Variants in NLGN1 observed in about 807,000 individuals in gnomAD.
NLGN1 encodes the protein neuroligin 1.
A neutral mutation model predicts 65.5 loss-of-function variants in NLGN1; 12 were observed. The ratio of observed to expected loss-of-function variants is 0.18; its 90% confidence interval spans 0.12 to 0.30. The LOEUF is 0.30. Ranked by LOEUF, NLGN1 falls within the 10% of genes least tolerant of loss-of-function variation. NLGN1 has a pLI of 1.00. For synonymous variants in NLGN1, 350 were observed against 359.5 expected, an observed-to-expected ratio of 0.97 and a Z score of 0.30; for missense variants, 750 against 1,007.1, an observed-to-expected ratio of 0.74 and a Z score of 3.46.
intron 4 of NLGN1, among the ~76,000 whole-genome samples, chr3:174,122,319 G>C (rs1348590330): frequency 6.6e-6 from 1 of 152,084 alleles, no homozygotes. Context: ...TTGGAAGACT[G>C]GTTTTCTGCA....
chr3:173,466,544 A>T (rs1049318138), intron 2 of NLGN1, among the ~76,000 whole-genome samples: 16 of 152,146 alleles, frequency 1.1e-4, no homozygotes, highest in Non-Finnish European at 1.5e-5. Context: ...TTTGTTTTGT[A>T]TGCTAGGTGT....
At chr3:174,275,588 G>A in intron 5 of NLGN1, 61 bp downstream of exon 5, 1 of 934,496 alleles carries the variant, frequency 1.1e-6, no homozygotes, top group Non-Finnish European at 1.7e-6. Flanking sequence ...ACCATCAGTA[G>A]TATGTGATGC....
At chr3:174,052,414 G>A (rs1015624235) in intron 4 of NLGN1, among the ~76,000 whole-genome samples, 1 of 151,868 alleles carries the variant, frequency 6.6e-6, no homozygotes, top group African/African-American at 2.4e-5. Flanking sequence ...AGCAAGGAAT[G>A]TACTTGAGAA....
intron 2 of NLGN1, among the ~76,000 whole-genome samples, chr3:173,537,831 G>T (rs374905506): frequency 1.3e-5 from 2 of 152,102 alleles, no homozygotes; most frequent in South Asian, 4.1e-4. Context: ...CTATGTTCCA[G>T]ACATCCTCTT....
intron 1 of NLGN1, among the ~76,000 whole-genome samples, chr3:173,426,105 A>G (rs9822234): frequency 0.49 from 74,430 of 151,892 alleles, 21,229 homozygotes; most frequent in African/African-American, 0.79. Context: ...AAATGGAATT[A>G]CCTTCTTGAT....
At chr3:173,489,920 T>C (rs1728822020) in intron 2 of NLGN1, among the ~76,000 whole-genome samples, 1 of 152,196 alleles carries the variant, frequency 6.6e-6, no homozygotes, top group Non-Finnish European at 1.5e-5. Flanking sequence ...TTGTCCACTT[T>C]TTGATGGGGT....
intron 4 of NLGN1, among the ~76,000 whole-genome samples, chr3:174,251,456 A>C (rs557908972): frequency 1.1e-3 from 172 of 152,244 alleles, no homozygotes; most frequent in African/African-American, 3.6e-3. Flanking sequence ...GTGCCATTAC[A>C]ATCTCCTCAA....
At chr3:173,994,690 G>A (rs1220102631) in intron 4 of NLGN1, among the ~76,000 whole-genome samples, 2 of 152,004 alleles carry the variant, frequency 1.3e-5, no homozygotes, top group Non-Finnish European at 2.9e-5. Flanking sequence ...CTCTACTAGC[G>A]TCTAATTTTT....
intron 4 of NLGN1, among the ~76,000 whole-genome samples, chr3:174,242,648 C>T (rs1354146137): frequency 6.6e-6 from 1 of 151,944 alleles, no homozygotes; most frequent in Non-Finnish European, 1.5e-5. Flanking sequence ...CCCATCTCTG[C>T]CAGATAGAAC....
At chr3:173,767,581 C>T (rs976683) in intron 3 of NLGN1, among the ~76,000 whole-genome samples, 93,291 of 151,726 alleles carry the variant, frequency 0.61, 30,368 homozygotes, top group Non-Finnish European at 0.73. Flanking sequence ...CTTTTTAAGA[C>T]CTTTTCACGA....
At chr3:174,180,904 T>C (rs1041102453) in intron 4 of NLGN1, 1 of 139,678 alleles carries the variant, frequency 7.2e-6, no homozygotes, top group Non-Finnish European at 1.5e-5. Flanking sequence ...ACTTGCTTCT[T>C]TGGGGGAAAA....
At chr3:174,194,578 C>CA (rs1206635148) in intron 4 of NLGN1, among the ~76,000 whole-genome samples, 2 of 151,162 alleles carry the variant, frequency 1.3e-5, no homozygotes, top group Non-Finnish European at 2.9e-5. Context: ...CCCAGATGTA[C>CA]AAAAATCATC....
intron 2 of NLGN1, among the ~76,000 whole-genome samples, chr3:173,599,691 G>C (rs923710908): frequency 2.6e-5 from 4 of 152,036 alleles, no homozygotes; most frequent in African/African-American, 9.7e-5. Context: ...ACAACCCACA[G>C]ACCTATAAGT....
At chr3:173,515,126 C>T (rs764997900) in intron 2 of NLGN1, among the ~76,000 whole-genome samples, 1 of 152,186 alleles carries the variant, frequency 6.6e-6, no homozygotes, top group East Asian at 1.9e-4. Flanking sequence ...CCCAACAGTG[C>T]GCAAGGGCAA....
At chr3:174,243,295 A>G (rs1392719223) in intron 4 of NLGN1, among the ~76,000 whole-genome samples, 1 of 152,192 alleles carries the variant, frequency 6.6e-6, no homozygotes, top group African/African-American at 2.4e-5. Flanking sequence ...CTATCTTCCC[A>G]GATCCAGGGC....
At chr3:174,176,869 TGAAA>T (rs1729541429) in intron 4 of NLGN1, among the ~76,000 whole-genome samples, 1 of 152,028 alleles carries the variant, frequency 6.6e-6, no homozygotes, top group African/African-American at 2.4e-5. Context: ...TTACCTCAAC[TGAAA>T]GGAACAAGTA....
intron 3 of NLGN1, among the ~76,000 whole-genome samples, chr3:173,689,196 A>G (rs549920211): frequency 1.5e-4 from 23 of 152,176 alleles, no homozygotes; most frequent in Non-Finnish European, 2.9e-4. Context: ...TCTCAACTCA[A>G]TATCCTGGAC....
At chr3:173,468,169 T>C (rs942204169) in intron 2 of NLGN1, among the ~76,000 whole-genome samples, 12 of 152,048 alleles carry the variant, frequency 7.9e-5, no homozygotes, top group African/African-American at 2.9e-4. Flanking sequence ...CTTGATATGG[T>C]GTCTGGCACT....
intron 4 of NLGN1, among the ~76,000 whole-genome samples, chr3:174,251,552 T>C (rs960324184): frequency 6.6e-6 from 1 of 152,334 alleles, no homozygotes; most frequent in South Asian, 2.1e-4. Context: ...CCTTTCCTCT[T>C]AGATAAGCTT....
Sources: gnomAD v4.1 joint callset for allele counts (sites outside exome capture counted in the v4.1 genomes callset) on GRCh38, gnomAD v4.1.1 for gene constraint, MANE v1.5 for transcripts, NCBI Gene and HGNC (gene_info 2026-07-23, HGNC 2026-07-21) for gene names.